RBMXL2: variants seen among roughly 807,000 people sequenced by gnomAD.
RBMXL2 encodes the protein RBMX like 2, also known as RNA-binding motif protein, X-linked-like-2.
Under a neutral mutation model 1.0 loss-of-function variants are expected in RBMXL2, and 2 were observed. The ratio of observed to expected loss-of-function variants is 2.05; its 90% CI spans 0.84 to 6.44. The LOEUF is 6.44. Ranked by LOEUF, RBMXL2 falls within the 30% of genes most tolerant of loss-of-function variation. The pLI, the probability that RBMXL2 is intolerant of heterozygous loss-of-function variation, is 0.05. For synonymous variants in RBMXL2, 313 were observed against 267.9 expected, an observed-to-expected ratio of 1.17 and a Z score of -1.64; for missense variants, 658 against 608.5, an observed-to-expected ratio of 1.08 and a Z score of -0.85.
At position 7,089,034 on chromosome 11, in the gene RBMXL2, C is replaced by A; in HGVS notation, c.-87C>A. 6.8e-7 allele frequency: 1 copy of A among 1,471,456 alleles called. No homozygotes were observed. The highest frequency in any genetic ancestry group is 9.3e-7 in the Non-Finnish European group (1 of 1,072,742). 91.1% of individuals were successfully genotyped at this position (1,471,456 alleles called of 1,614,324 possible). ...CTAGGCGCCGCCTGACCAGTAGGAG[C>A]CGCCCTCGACGAGCGAGCTCGAAGG... On this transcript the variant is annotated 5_prime_UTR_variant, in exon 1 of 1. Transcript: ENST00000306904.
Position 7,090,801 on chromosome 11 carries a change from C to A in RBMXL2, c.*502C>A, listed in dbSNP as rs1853118841. ...GTTTCCAGTATTAAAAAGCAAACAA[C>A]CAGCAACAACAACAACAAAAGTGAT... On this transcript the variant is annotated 3_prime_UTR_variant, in exon 1 of 1. Transcript: ENST00000306904. 5.8e-6 allele frequency: 1 copy of A among 171,306 alleles called. No homozygotes were observed. The highest frequency in any genetic ancestry group is 1.4e-5 in the Non-Finnish European group (1 of 71,018). The allele number at this position is 171,306 out of a possible 1,614,324, so 10.6% of individuals were successfully genotyped here. A position where few individuals can be genotyped will look rare whatever the true frequency, so the allele number is the denominator to read the frequency against.
At position 7,089,548 on chromosome 11, in the gene RBMXL2, G is replaced by C; in HGVS notation, c.428G>C (p.Arg143Thr). The change falls in exon 1 of 1, where the codon AGG (arginine) becomes ACG (threonine). Residue 143 changes from arginine to threonine, a missense_variant. Coordinates refer to ENST00000306904, the MANE Select transcript of RBMXL2 (RefSeq NM_014469.5). Reference sequence around the variant, plus strand: ...GCGGATTTCGACCTGCGGCCCTCCAGGGCCCCGATGCCCATGAAGCGTGGG... The same window carrying C: ...GCGGATTTCGACCTGCGGCCCTCCACGGCCCCGATGCCCATGAAGCGTGGG... The part of the protein sequence containing the change: ...YTADFDLRPS[R>T]APMPMKRGPP... 1.7e-6 allele frequency: 2 copies of C among 1,201,780 alleles called. No homozygotes were observed. Among genetic ancestry groups the C allele is most frequent in the Non-Finnish European group, 2.1e-6 (2 of 968,684 alleles). The allele number at this position is 1,201,780 out of a possible 1,614,324, so 74.4% of individuals were successfully genotyped here.
Position 7,089,749 on chromosome 11 carries a change from G to A in RBMXL2, c.629G>A (p.Arg210Gln), listed in dbSNP as rs1413576191. The A allele has an allele frequency of 6.4e-7, 1 of 1,558,486 alleles. No individual in the cohort carries two copies. Among genetic ancestry groups the A allele is most frequent in the South Asian group, 1.2e-5 (1 of 86,812 alleles). ...CGCCGCGACCCCTACCTGGGCCCGC[G>A]GGATGAGGGCTACTCGTCCAGAGAC... ...PPRRDPYLGP[R>Q]DEGYSSRDGY... is the part of the protein sequence containing the mutation. The change falls in exon 1 of 1, where the codon CGG (arginine) becomes CAG (glutamine). Residue 210 changes from arginine to glutamine, a missense_variant. By Grantham distance (43) the Arg-to-Gln change is conservative (BLOSUM62 1). Transcript: ENST00000306904.
Position 7,090,481 on chromosome 11 carries a change from T to C in RBMXL2, c.*182T>C. 3.7e-6 allele frequency: 3 copies of C among 815,252 alleles called. No homozygotes were observed. The highest frequency in any genetic ancestry group is 3.6e-5 in the South Asian group (2 of 55,888). 50.5% of individuals were successfully genotyped at this position (815,252 alleles called of 1,614,324 possible). On this transcript the variant is annotated 3_prime_UTR_variant, in exon 1 of 1. Coordinates refer to ENST00000306904, the MANE Select transcript of RBMXL2 (RefSeq NM_014469.5). ...GAGAAAAAACTTAAAATTCGTTTAG[T>C]TTAGTTTTGGAATTGTTAACGTTTC...
Position 7,089,996 on chromosome 11 carries a change from C to T in RBMXL2, c.876C>T (p.Ala292=), listed in dbSNP as rs1158878728. 6 of 1,612,908 alleles carry T rather than the reference C, an allele frequency of 3.7e-6. No homozygotes were observed. The highest frequency in any genetic ancestry group is 1.3e-5 in the African/African-American group (1 of 74,892). ...AGAGCTACGGAGAGCTGCGCGGCGCCGCCCCAGGACGGGGGACACCGCCAT... is the reference window on the plus strand; with the variant it reads ...AGAGCTACGGAGAGCTGCGCGGCGCTGCCCCAGGACGGGGGACACCGCCAT... ...PFESYGELRG[A]APGRGTPPSY... The change falls in exon 1 of 1, where the codon GCC becomes GCT. Residue 292 remains alanine, a synonymous_variant. Coordinates refer to ENST00000306904, the MANE Select transcript of RBMXL2 (RefSeq NM_014469.5).
chr11:7,089,729 C>G lies in RBMXL2; in HGVS notation c.609C>G (p.Arg203=). The stretch of plus-strand genomic sequence containing the variant: ...GCCGGGAGCCGCTGCCCCCGCGCCG[C>G]GACCCCTACCTGGGCCCGCGGGATG... ...PPRREPLPPR[R]DPYLGPRDEG... is the part of the protein sequence containing the mutation. Residue 203 remains arginine (R), a synonymous_variant, in exon 1 of 1, where the codon CGC becomes CGG. Coordinates refer to ENST00000306904, the MANE Select transcript of RBMXL2 (RefSeq NM_014469.5). 1.3e-6 allele frequency: 2 copies of G among 1,536,732 alleles called. No homozygotes were observed. Among genetic ancestry groups the G allele is most frequent in the Non-Finnish European group, 1.7e-6 (2 of 1,146,284 alleles).
Position 7,089,959 on chromosome 11 carries a change from G to A in RBMXL2, c.839G>A (p.Arg280Gln). The change falls in exon 1 of 1, where the codon CGA (arginine) becomes CAA (glutamine). Residue 280 changes from arginine to glutamine, a missense_variant. Transcript: ENST00000306904. Reference protein sequence around the residue: ...YGDHLSRGSHREPFESYGELR... With the variant: ...YGDHLSRGSHQEPFESYGELR... Reference sequence around the variant, plus strand: ...GATCATCTGAGCAGAGGCTCCCATCGAGAGCCCTTTGAGAGCTACGGAGAG... The same window carrying A: ...GATCATCTGAGCAGAGGCTCCCATCAAGAGCCCTTTGAGAGCTACGGAGAG... 8 of 1,613,072 alleles carry A rather than the reference G, an allele frequency of 5.0e-6. No homozygotes were observed. The highest frequency in any genetic ancestry group is 1.3e-5 in the African/African-American group (1 of 75,024).
chr11:7,090,410 T>G lies in RBMXL2; in HGVS notation c.*111T>G, dbSNP rs1212097673. On this transcript the variant is annotated 3_prime_UTR_variant, in exon 1 of 1. Coordinates refer to ENST00000306904, the MANE Select transcript of RBMXL2 (RefSeq NM_014469.5). The stretch of plus-strand genomic sequence containing the variant: ...AGTACAAGGAAGAGTTGTTTTTACC[T>G]TTTAAGAATTTCCTGTTAAGATCGT... 2.3e-6 allele frequency: 3 copies of G among 1,311,602 alleles called. No homozygotes were observed. The East Asian group carries it at 7.5e-5, about 33-fold the overall frequency. The allele number at this position is 1,311,602 out of a possible 1,614,324, so 81.2% of individuals were successfully genotyped here.
chr11:7,090,007 G>A lies in RBMXL2; in HGVS notation c.887G>A (p.Arg296Gln), dbSNP rs748177120. The change falls in exon 1 of 1, where the codon CGG becomes CAG. Residue 296 changes from arginine to glutamine, a missense_variant. Physicochemically the swap from Arg to Gln is conservative, Grantham distance 43. Coordinates refer to ENST00000306904, the MANE Select transcript of RBMXL2 (RefSeq NM_014469.5). ...GAGCTGCGCGGCGCCGCCCCAGGACGGGGGACACCGCCATCTTACGGAGGA... is the reference window on the plus strand; with the variant it reads ...GAGCTGCGCGGCGCCGCCCCAGGACAGGGGACACCGCCATCTTACGGAGGA... The part of the protein sequence containing the change: ...YGELRGAAPG[R>Q]GTPPSYGGGG... The A allele has an allele frequency of 9.9e-6, 16 of 1,613,002 alleles. No homozygotes were observed. The South Asian group carries it at 1.2e-4, about 12-fold the overall frequency.
Position 7,089,596 on chromosome 11 carries a change from C to T in RBMXL2, c.476C>T (p.Pro159Leu). 4 of 1,188,008 alleles carry T rather than the reference C, an allele frequency of 3.4e-6. No individual in the cohort carries two copies. The highest frequency in any genetic ancestry group is 4.2e-6 in the Non-Finnish European group (4 of 960,788). The allele number at this position is 1,188,008 out of a possible 1,614,324, so 73.6% of individuals were successfully genotyped here. The change falls in exon 1 of 1, where the codon CCA (proline) becomes CTA (leucine). Residue 159 changes from proline to leucine, a missense_variant. Physicochemically the swap from Pro to Leu is moderately conservative, Grantham distance 98 (BLOSUM62 -3). Coordinates refer to ENST00000306904, the MANE Select transcript of RBMXL2 (RefSeq NM_014469.5). ...GGGCCGCCGCCGCGCAGGGTCGGCC[C>T]ACCCCCCAAGAGGGCCGCGCCGTCG... ...KRGPPPRRVG[P>L]PPKRAAPSGP... is the part of the protein sequence containing the mutation.
Position 7,090,333 on chromosome 11 carries a change from C to T in RBMXL2, c.*34C>T. 2 of 1,552,698 alleles carry T rather than the reference C, an allele frequency of 1.3e-6. No homozygotes were observed. The highest frequency in any genetic ancestry group is 2.4e-5 in the South Asian group (2 of 84,490). On this transcript the variant is annotated 3_prime_UTR_variant, in exon 1 of 1. Coordinates refer to ENST00000306904, the MANE Select transcript of RBMXL2 (RefSeq NM_014469.5). Reference sequence around the variant, plus strand: ...AGACTTGGGACCAAAAATCCCTTTTCAACGAAACTAACAAAAAGAAGAACC... The same window carrying T: ...AGACTTGGGACCAAAAATCCCTTTTTAACGAAACTAACAAAAAGAAGAACC...
Position 7,090,008 on chromosome 11 carries a change from G to C in RBMXL2, c.888G>C (p.Arg296=), listed in dbSNP as rs770291156. Residue 296 remains arginine (R), a synonymous_variant, in exon 1 of 1, where the codon CGG becomes CGC. Transcript: ENST00000306904. ...AGCTGCGCGGCGCCGCCCCAGGACG[G>C]GGGACACCGCCATCTTACGGAGGAG... ...YGELRGAAPG[R]GTPPSYGGGG... is the part of the protein sequence containing the mutation. 6.2e-7 allele frequency: 1 copy of C among 1,612,974 alleles called. No homozygotes were observed. Among genetic ancestry groups the C allele is most frequent in the East Asian group, 2.2e-5 (1 of 44,856 alleles).
In RBMXL2 at chr11:7,089,633, C is replaced by G; in HGVS notation, c.513C>G (p.Arg171=). The part of the protein sequence containing the change: ...PKRAAPSGPA[R]SSGGGMRGRA... Reference sequence around the variant, plus strand: ...GGGCCGCGCCGTCGGGCCCGGCTCGCAGCAGCGGCGGTGGAATGCGCGGGA... The same window carrying G: ...GGGCCGCGCCGTCGGGCCCGGCTCGGAGCAGCGGCGGTGGAATGCGCGGGA... The change falls in exon 1 of 1, where the codon CGC becomes CGG. Residue 171 remains arginine (R), a synonymous_variant. Coordinates refer to ENST00000306904, the MANE Select transcript of RBMXL2 (RefSeq NM_014469.5). 1 of 1,283,664 alleles carries G rather than the reference C, an allele frequency of 7.8e-7. No individual in the cohort carries two copies. Among genetic ancestry groups the G allele is most frequent in the Non-Finnish European group, 9.8e-7 (1 of 1,017,402 alleles). The allele number at this position is 1,283,664 out of a possible 1,614,324, so 79.5% of individuals were successfully genotyped here.
rs1259502328 is a variant in RBMXL2, at chr11:7,089,573, G to A, written c.453G>A (p.Gly151=). The change falls in exon 1 of 1, where the codon GGG becomes GGA. Residue 151 remains glycine, a synonymous_variant. Coordinates refer to ENST00000306904, the MANE Select transcript of RBMXL2 (RefSeq NM_014469.5). The part of the protein sequence containing the change: ...PSRAPMPMKR[G]PPPRRVGPPP... ...GGGCCCCGATGCCCATGAAGCGTGGGCCGCCGCCGCGCAGGGTCGGCCCAC... is the reference window on the plus strand; with the variant it reads ...GGGCCCCGATGCCCATGAAGCGTGGACCGCCGCCGCGCAGGGTCGGCCCAC... 5 of 1,183,304 alleles carry A rather than the reference G, an allele frequency of 4.2e-6. No individual in the cohort carries two copies. The African/African-American group carries it at 8.2e-5, about 19-fold the overall frequency. The allele number at this position is 1,183,304 out of a possible 1,614,324, so 73.3% of individuals were successfully genotyped here.
chr11:7,090,168 C>T lies in RBMXL2; in HGVS notation c.1048C>T (p.Leu350Phe). 6.2e-7 allele frequency: 1 copy of T among 1,613,858 alleles called. No individual in the cohort carries two copies. Among genetic ancestry groups the T allele is most frequent in the Non-Finnish European group, 8.5e-7 (1 of 1,179,958 alleles). The change falls in exon 1 of 1, where the codon CTC becomes TTC. Residue 350 changes from leucine to phenylalanine, a missense_variant. Physicochemically the swap from Leu to Phe is conservative, Grantham distance 22. Transcript: ENST00000306904. ...CCGGGTGGGCAGACCAGATCGTGGG[C>T]TCTCTCTGTCCATGGAAAGGGGCTG... ...RHRVGRPDRG[L>F]SLSMERGCPP...
In RBMXL2 at chr11:7,089,907, T is replaced by C; in HGVS notation, c.787T>C (p.Tyr263His). Residue 263 changes from tyrosine to histidine, a missense_variant, in exon 1 of 1, where the codon TAC (tyrosine) becomes CAC (histidine). Physicochemically the swap from Tyr to His is moderately conservative, Grantham distance 83 (BLOSUM62 2). Coordinates refer to ENST00000306904, the MANE Select transcript of RBMXL2 (RefSeq NM_014469.5). ...PLRGYSDRDG[Y>H]GGRDRDYGDH... ...GAGAGGCTACAGCGACCGAGACGGC[T>C]ACGGAGGTCGCGACCGTGACTACGG... is the stretch of plus-strand genomic sequence containing the variant. 4 of 1,612,572 alleles carry C rather than the reference T, an allele frequency of 2.5e-6. No homozygotes were observed. Among genetic ancestry groups the C allele is most frequent in the South Asian group, 2.2e-5 (2 of 91,056 alleles).
Position 7,090,309 on chromosome 11 carries a change from G to C in RBMXL2, c.*10G>C. On this transcript the variant is annotated 3_prime_UTR_variant, in exon 1 of 1. Transcript: ENST00000306904. ...CCGGAGCAGATACTAAGCAGGAACA[G>C]ACTTGGGACCAAAAATCCCTTTTCA... 1 of 1,582,982 alleles carries C rather than the reference G, an allele frequency of 6.3e-7. No homozygotes were observed. Among genetic ancestry groups the C allele is most frequent in the African/African-American group, 1.3e-5 (1 of 74,552 alleles).
chr11:7,090,150 G>T lies in RBMXL2; in HGVS notation c.1030G>T (p.Gly344Cys). 6.2e-7 allele frequency: 1 copy of T among 1,613,792 alleles called. No homozygotes were observed. Among genetic ancestry groups the T allele is most frequent in the Middle Eastern group, 1.6e-4 (1 of 6,062 alleles). Reference sequence around the variant, plus strand: ...CTACTCGAGGGGCCGACACCGGGTGGGCAGACCAGATCGTGGGCTCTCTCT... The same window carrying T: ...CTACTCGAGGGGCCGACACCGGGTGTGCAGACCAGATCGTGGGCTCTCTCT... ...DRYSRGRHRV[G>C]RPDRGLSLSM... The change falls in exon 1 of 1, where the codon GGC (glycine) becomes TGC (cysteine). Residue 344 changes from glycine to cysteine, a missense_variant. Gly to Cys is a radical substitution (Grantham distance 159, BLOSUM62 -3). Coordinates refer to ENST00000306904, the MANE Select transcript of RBMXL2 (RefSeq NM_014469.5).
In RBMXL2 at chr11:7,089,301, G is replaced by A; in HGVS notation, c.181G>A (p.Asp61Asn). Residue 61 changes from aspartate (D) to asparagine (N), a missense_variant, in exon 1 of 1, where the codon GAC becomes AAC. Transcript: ENST00000306904. Reference protein sequence around the residue: ...FAFVTFESPADAKAAARDMNG... With the variant: ...FAFVTFESPANAKAAARDMNG... ...GTTCGTCACCTTTGAAAGCCCCGCAGACGCCAAGGCCGCCGCCAGAGACAT... is the reference window on the plus strand; with the variant it reads ...GTTCGTCACCTTTGAAAGCCCCGCAAACGCCAAGGCCGCCGCCAGAGACAT... 1 of 1,606,858 alleles carries A rather than the reference G, an allele frequency of 6.2e-7. No homozygotes were observed. Among genetic ancestry groups the A allele is most frequent in the Non-Finnish European group, 8.5e-7 (1 of 1,176,604 alleles).
Sources: gnomAD v4.1 joint callset for allele counts on GRCh38, gnomAD v4.1.1 for gene constraint, MANE v1.5 for transcripts, NCBI Gene and HGNC (gene_info 2026-07-23, HGNC 2026-07-21) for gene names.